Variants in PABPC4 observed in about 807,000 individuals in gnomAD.
PABPC4 encodes the protein polyadenylate-binding protein 4.
In PABPC4, 15 loss-of-function variants were observed where a neutral mutation model predicts 74.5. That is an observed-to-expected ratio of 0.20 (90% CI 0.13 to 0.31). The LOEUF is 0.31. PABPC4 is among the 10% of genes least tolerant of loss of function. PABPC4 has a pLI of 1.00. For missense variants in PABPC4, 610 were observed against 853.5 expected (o/e 0.71, Z 3.55); for synonymous variants, 345 against 303.0 (o/e 1.14, Z -1.44).
Position 39,576,124 on chromosome 1 carries a change from G to T in PABPC4, c.-173C>A, listed in dbSNP as rs1053557678. ...TGGAGACGGGACGGAAACGGGAGGC[G>T]GGGGCCGGCTCCCACGGCCGCAGCA... On this transcript the variant is annotated 5_prime_UTR_variant, in exon 1 of 16. Coordinates refer to ENST00000372858, the MANE Select transcript of PABPC4 (RefSeq NM_001135653.2). 34 of 516,878 alleles carry T rather than the reference G, an allele frequency of 6.6e-5. No homozygotes were observed. The highest frequency in any genetic ancestry group is 1.1e-4 in the Non-Finnish European group (33 of 294,468). The allele number at this position is 516,878 out of a possible 1,614,324, so 32.0% of individuals were successfully genotyped here. A position where few individuals can be genotyped will look rare whatever the true frequency, so the allele number is the denominator to read the frequency against.
chr1:39,571,195 G>A, intron 3 of PABPC4, 39 bp downstream of exon 3: 7 of 1,612,980 alleles, frequency 4.3e-6, no homozygotes, highest in Non-Finnish European at 5.9e-6. Flanking sequence ...GCCACGGCTG[G>A]CTCATGCGAT....
intron 12 of PABPC4, chr1:39,562,652 GA>G: frequency 2.2e-6 from 1 of 446,464 alleles, no homozygotes; most frequent in South Asian, 5.7e-5. Flanking sequence ...ATCAGAAAGC[GA>G]AGTGAAACGT....
Position 39,576,216 on chromosome 1 carries a change from G to A in PABPC4, c.-265C>T. On this transcript the variant is annotated 5_prime_UTR_variant, in exon 1 of 16. Transcript: ENST00000372858. ...GACTTTGCACTTCTCCGCGGTCCTGGTGCGAAGCTCCAAATTTCAAAAAAT... is the reference window on the plus strand; with the variant it reads ...GACTTTGCACTTCTCCGCGGTCCTGATGCGAAGCTCCAAATTTCAAAAAAT... 2.6e-6 allele frequency: 1 copy of A among 382,892 alleles called. No individual in the cohort carries two copies. The highest frequency in any genetic ancestry group is 2.1e-5 in the African/African-American group (1 of 48,280). The allele number at this position is 382,892 out of a possible 1,614,324, so 23.7% of individuals were successfully genotyped here. A position where few individuals can be genotyped will look rare whatever the true frequency, so the allele number is the denominator to read the frequency against.
At chr1:39,566,378 A>G (rs1645842692) in intron 7 of PABPC4, among the ~76,000 whole-genome samples, 1 of 152,210 alleles carries the variant, frequency 6.6e-6, no homozygotes, top group Non-Finnish European at 1.5e-5. Context: ...ACCAGCTCAG[A>G]GATAGGCAGC....
Position 39,571,278 on chromosome 1 carries a change from C to T in PABPC4, c.459G>A (p.Lys153=). ...VHFETQEAAD[K]AIEKMNGMLL... is the part of the protein sequence containing the mutation. ...GCATGCCATTCATCTTCTCGATGGC[C>T]TTGTCGGCAGCCTCTTGGGTCTCGA... The change falls in exon 3 of 16, where the codon AAG becomes AAA. Residue 153 remains lysine (K), a synonymous_variant. Coordinates refer to ENST00000372858, the MANE Select transcript of PABPC4 (RefSeq NM_001135653.2). 6.2e-7 allele frequency: 1 copy of T among 1,614,218 alleles called. No individual in the cohort carries two copies.
In PABPC4 at chr1:39,576,387, A is replaced by C. The variant is rs2124024701; in HGVS notation, c.-436T>G. 1 of 152,302 alleles carries C rather than the reference A, an allele frequency of 6.6e-6. No individual in the cohort carries two copies. The highest frequency in any genetic ancestry group is 1.5e-5 in the Non-Finnish European group (1 of 68,232). The allele number at this position is 152,302 out of a possible 1,614,324, so 9.4% of individuals were successfully genotyped here. ...CGGGCTCCGGCGGTTTAAGATTACA[A>C]CCGCCGGGGCAGAGGGAAACCAAAT... On this transcript the variant is annotated 5_prime_UTR_variant, in exon 1 of 16. Transcript: ENST00000372858.
Position 39,565,827 on chromosome 1 carries a change from C to CCAAAACAAAACAAAA in PABPC4, c.973-464_973-450dup, listed in dbSNP as rs60293495. Among the ~76,000 whole-genome samples, 242 of 148,296 alleles carry CCAAAACAAAACAAAA rather than the reference C, an allele frequency of 1.6e-3. 1 individual carries two copies. Among genetic ancestry groups the CCAAAACAAAACAAAA allele is most frequent in the African/African-American group, 5.8e-3 (224 of 38,940 alleles). Reference sequence around the variant, plus strand: ...TGGGCGACAGAGCGAGACTCCATCTCCAAAACAAAACAAAACAAAACAAAA... The same window carrying CCAAAACAAAACAAAA: ...TGGGCGACAGAGCGAGACTCCATCTCCAAAACAAAACAAAACAAAACAAAACAAAACAAAACAAAA... On this transcript the variant is annotated intron_variant, in intron 7 of 15. Transcript: ENST00000372858.
At chr1:39,563,810 C>T in intron 11 of PABPC4, 26 bp downstream of exon 11, 1 of 1,614,100 alleles carries the variant, frequency 6.2e-7, no homozygotes, top group African/African-American at 1.3e-5. Context: ...CCCATCTTTC[C>T]CCCTTCTGTG....
chr1:39,562,506 CTA>C (rs1414355501), intron 12 of PABPC4, 90 bp from the exon 13 acceptor site: 41 of 931,462 alleles, frequency 4.4e-5, no homozygotes, highest in Non-Finnish European at 6.7e-5. Flanking sequence ...GAACATCTGA[CTA>C]TGTGAAAGAG....
Position 39,571,366 on chromosome 1 carries a change from G to A in PABPC4, c.388-17C>T, listed in dbSNP as rs990316109. On this transcript the variant is annotated splice_polypyrimidine_tract_variant and intron_variant, in intron 2 of 15. Coordinates refer to ENST00000372858, the MANE Select transcript of PABPC4 (RefSeq NM_001135653.2). ...ACACACCACCTGTCAAAGACAAGGC[G>A]GACCACTTTAGCAGAACTGGCCAGC... 7.4e-6 allele frequency: 12 copies of A among 1,613,728 alleles called. No individual in the cohort carries two copies. Among genetic ancestry groups the A allele is most frequent in the South Asian group, 1.1e-5 (1 of 91,076 alleles).
intron 7 of PABPC4, among the ~76,000 whole-genome samples, chr1:39,567,205 C>T (rs1388105060): frequency 6.6e-6 from 1 of 152,176 alleles, no homozygotes; most frequent in Non-Finnish European, 1.5e-5. Context: ...GAGGTTCCTA[C>T]TTACCCTGCT....
chr1:39,568,925 C>G lies in PABPC4; in HGVS notation c.753G>C (p.Met251Ile), dbSNP rs1645893409. The change falls in exon 6 of 16, where the codon ATG (methionine) becomes ATC (isoleucine). Residue 251 changes from methionine to isoleucine, a missense_variant. Coordinates refer to ENST00000372858, the MANE Select transcript of PABPC4 (RefSeq NM_001135653.2). ...HEDANKAVEE[M>I]NGKEISGKII... ...TTTTACCACTTATTTCTTTTCCATT[C>G]ATCTCTTCCACAGCCTAGAGAGGAA... 6.2e-7 allele frequency: 1 copy of G among 1,613,724 alleles called. No individual in the cohort carries two copies. Among genetic ancestry groups the G allele is most frequent in the Admixed American group, 1.7e-5 (1 of 59,916 alleles).
intron 3 of PABPC4, 52 bp from the exon 4 acceptor site, chr1:39,570,054 G>A (rs1255181017): frequency 3.8e-6 from 6 of 1,564,162 alleles, no homozygotes; most frequent in Non-Finnish European, 5.2e-6. Context: ...AAAACATGAT[G>A]TCCAGGGACC....
At chr1:39,565,611 C>A (rs35270389) in intron 7 of PABPC4, among the ~76,000 whole-genome samples, 1 of 151,964 alleles carries the variant, frequency 6.6e-6, no homozygotes. Flanking sequence ...GGGTGGATCA[C>A]GAGGTCAGGA....
intron 8 of PABPC4, 142 bp from the exon 9 acceptor site, chr1:39,564,915 G>C (rs1645813889): frequency 1.2e-6 from 1 of 865,756 alleles, no homozygotes; most frequent in South Asian, 1.7e-5. Context: ...TCAGCTAATG[G>C]GGACTGTTTT....
rs760452807 is a variant in PABPC4, at chr1:39,564,559, T to G, written c.1334-17A>C. 6.2e-7 allele frequency: 1 copy of G among 1,613,744 alleles called. No homozygotes were observed. Among genetic ancestry groups the G allele is most frequent in the Non-Finnish European group, 8.5e-7 (1 of 1,179,810 alleles). ...CTTGGAAGCCTGGTGAAGAGAAAAA[T>G]TGCACATCATTGAGAAGTGATGTGG... On this transcript the variant is annotated splice_polypyrimidine_tract_variant and intron_variant, in intron 9 of 15. Transcript: ENST00000372858.
chr1:39,574,582 G>A (rs987466124), intron 1 of PABPC4, among the ~76,000 whole-genome samples: 4 of 152,196 alleles, frequency 2.6e-5, no homozygotes, highest in Admixed American at 2.0e-4. Context: ...CGCTCCTATG[G>A]CCATGGACAG....
At chr1:39,561,595 G>T in intron 15 of PABPC4, 90 bp downstream of exon 15, 1 of 831,600 alleles carries the variant, frequency 1.2e-6, no homozygotes, top group Non-Finnish European at 2.0e-6. Flanking sequence ...GCTAAGCAGT[G>T]AGCATATATA....
At chr1:39,561,168 T>A (rs748571190) in intron 15 of PABPC4, 46 bp from the exon 16 acceptor site, 4 of 468,988 alleles carry the variant, frequency 8.5e-6, no homozygotes, top group Non-Finnish European at 1.8e-5. Flanking sequence ...ATCAAATAAT[T>A]TAGATTCATT....
Sources: gnomAD v4.1 joint callset for allele counts (sites outside exome capture counted in the v4.1 genomes callset) on GRCh38, gnomAD v4.1.1 for gene constraint, MANE v1.5 for transcripts, NCBI Gene and HGNC (gene_info 2026-07-23, HGNC 2026-07-21) for gene names.